Variants in KMT2C observed in about 807,000 individuals in gnomAD.
KMT2C encodes the protein histone-lysine N-methyltransferase 2C.
A neutral mutation model predicts 507.9 loss-of-function variants in KMT2C; 88 were observed. The ratio of observed to expected loss-of-function variants is 0.17; its 90% CI spans 0.15 to 0.21. The LOEUF is 0.21. Among genes scored for constraint, KMT2C ranks in the 10% least tolerant of loss-of-function variants. The probability of loss-of-function intolerance (pLI) is 1.00; values close to 1 mark genes in which losing one functional copy is unlikely to be tolerated. For missense variants in KMT2C, 4,954 were observed against 5,957.8 expected, an observed-to-expected ratio of 0.83 and a Z score of 5.55; for synonymous variants, 2,049 against 2,080.8, an observed-to-expected ratio of 0.98 and a Z score of 0.42.
At chr7:152,137,138 C>T (rs2089948199) in intron 58 of KMT2C, 4 of 506,234 alleles carry the variant, frequency 7.9e-6, no homozygotes, top group Admixed American at 6.7e-5. Context: ...TTTTAAACAG[C>T]GAGATCTGAG....
chr7:152,325,959 G>C (rs908102908), intron 3 of KMT2C, among the ~76,000 whole-genome samples: 1 of 148,722 alleles, frequency 6.7e-6, no homozygotes, highest in Non-Finnish European at 1.5e-5. Flanking sequence ...CACAATTGTT[G>C]AAAGAGACTT....
chr7:152,242,316 G>C (rs1360931453), intron 14 of KMT2C, among the ~76,000 whole-genome samples: 2 of 151,962 alleles, frequency 1.3e-5, no homozygotes, highest in Admixed American at 1.3e-4. Context: ...AATAAACAAT[G>C]AACTATGATA....
At chr7:152,294,768 T>C (rs1430492251) in intron 6 of KMT2C, among the ~76,000 whole-genome samples, 1 of 152,244 alleles carries the variant, frequency 6.6e-6, no homozygotes, top group Non-Finnish European at 1.5e-5. Context: ...TTATTGACCA[T>C]ACCTCCTTAA....
intron 16 of KMT2C, among the ~76,000 whole-genome samples, chr7:152,232,250 A>G (rs1193741242): frequency 2.6e-5 from 4 of 152,258 alleles, no homozygotes; most frequent in Admixed American, 6.5e-5. Context: ...CCTAATGACT[A>G]CAAGTGTTAA....
chr7:152,153,044 G>T, intron 48 of KMT2C, 90 bp from the exon 49 acceptor site: 1 of 1,455,470 alleles, frequency 6.9e-7, no homozygotes. Flanking sequence ...AATCCTCTTT[G>T]CATGATACAT....
chr7:152,379,510 C>T (rs1423980542), intron 1 of KMT2C, among the ~76,000 whole-genome samples: 1 of 151,750 alleles, frequency 6.6e-6, no homozygotes, highest in African/African-American at 2.4e-5. Flanking sequence ...TGCACTCCAG[C>T]CTAGGCGACA....
chr7:152,197,066 T>C (rs925120295), intron 27 of KMT2C, among the ~76,000 whole-genome samples: 2 of 152,070 alleles, frequency 1.3e-5, no homozygotes, highest in African/African-American at 4.8e-5. Flanking sequence ...CTGGCTGCTA[T>C]ATGTAGAGCA....
chr7:152,404,082 G>T (rs2097590026), intron 1 of KMT2C, among the ~76,000 whole-genome samples: 4 of 152,188 alleles, frequency 2.6e-5, no homozygotes, highest in African/African-American at 7.3e-5. Context: ...AAAGTTGTTT[G>T]GAGAGTGGCA....
Position 152,183,018 on chromosome 7 carries a change from T to C in KMT2C, c.5221A>G (p.Lys1741Glu). The change falls in exon 35 of 59, where the codon AAG becomes GAG. Residue 1741 changes from lysine to glutamate, a missense_variant. Around this residue, in one of 29 missense-constraint regions of KMT2C, gnomAD observed 58 missense variants for 63.3 expected, o/e 0.92. Coordinates refer to ENST00000262189, the MANE Select transcript of KMT2C (RefSeq NM_170606.3). ...TGTTCATGTTCTGATTCTCTTTGCT[T>C]TAAAGGATCTTTAAAAAGCTCCGAA... is the stretch of plus-strand genomic sequence containing the variant. Reference protein sequence around the residue: ...IDSELFKDPLKQRESEHEQEW... With the variant: ...IDSELFKDPLEQRESEHEQEW... 6.2e-7 allele frequency: 1 copy of C among 1,609,198 alleles called. No individual in the cohort carries two copies. The highest frequency in any genetic ancestry group is 8.5e-7 in the Non-Finnish European group (1 of 1,178,666).
chr7:152,347,494 A>G (rs1020656777), intron 2 of KMT2C, among the ~76,000 whole-genome samples: 1 of 152,244 alleles, frequency 6.6e-6, no homozygotes, highest in Non-Finnish European at 1.5e-5. Context: ...TTGGTATCCC[A>G]TGGTGTTTTA....
Position 152,147,707 on chromosome 7 carries a change from CAAAAAAAAAAA to C in KMT2C, c.13894+315_13894+325del, listed in dbSNP as rs762588729. 3.0e-4 allele frequency among the ~76,000 whole-genome samples: 14 copies of C among 46,724 alleles called. No individual in the cohort carries two copies. The East Asian group carries it at 6.2e-3, about 21-fold the overall frequency. 30.7% of individuals were successfully genotyped at this position (46,724 alleles called of 152,430 possible). On this transcript the variant is annotated intron_variant, in intron 52 of 58. Transcript: ENST00000262189. ...GTGCAACAAAAGAGAAACTCCGTCTCAAAAAAAAAAAAAAAAAAAAAGAAAAAGAAAAAGAA... is the reference window on the plus strand; with the variant it reads ...GTGCAACAAAAGAGAAACTCCGTCTCAAAAAAAAAAGAAAAAGAAAAAGAA...
chr7:152,187,216 C>T (rs201493299), intron 33 of KMT2C, 46 bp downstream of exon 33: 2 of 1,476,276 alleles, frequency 1.4e-6, no homozygotes, highest in Non-Finnish European at 9.4e-7. Flanking sequence ...AGGTATTGCA[C>T]ATGTGAAAAT....
intron 14 of KMT2C, among the ~76,000 whole-genome samples, chr7:152,240,321 G>C (rs1455127405): frequency 3.3e-5 from 5 of 152,212 alleles, no homozygotes; most frequent in African/African-American, 1.2e-4. Context: ...CCTGACATCT[G>C]GCATACTGTT....
At chr7:152,246,746 T>C (rs1041283493) in intron 14 of KMT2C, among the ~76,000 whole-genome samples, 1 of 152,082 alleles carries the variant, frequency 6.6e-6, no homozygotes, top group South Asian at 2.1e-4. Context: ...AAACTTTTCA[T>C]GGTAGAGCAG....
At chr7:152,173,635 TAA>T (rs780490311) in intron 39 of KMT2C, among the ~76,000 whole-genome samples, 18 of 152,250 alleles carry the variant, frequency 1.2e-4, no homozygotes, top group Admixed American at 5.2e-4. Flanking sequence ...GTTTTTCTCC[TAA>T]GAGAGAAAAG....
chr7:152,369,251 A>G (rs2097272980), intron 1 of KMT2C, among the ~76,000 whole-genome samples: 1 of 152,112 alleles, frequency 6.6e-6, no homozygotes, highest in Admixed American at 6.6e-5. Flanking sequence ...TGAACCTGGG[A>G]AGCAGAGACT....
Position 152,138,982 on chromosome 7 carries a change from G to A in KMT2C, c.14535-78C>T, listed in dbSNP as rs2090198439. The stretch of plus-strand genomic sequence containing the variant: ...TAAAAACTTCCCATTTATTGATAAA[G>A]CAGTTTTTGCTAATTAAATTTCTAT... On this transcript the variant is annotated intron_variant, in intron 57 of 58. Transcript: ENST00000262189. The surrounding 1 kb of genome is among the most constrained non-coding windows in gnomAD (Gnocchi z 4.2). 1 of 1,165,636 alleles carries A rather than the reference G, an allele frequency of 8.6e-7. No individual in the cohort carries two copies. The highest frequency in any genetic ancestry group is 2.3e-5 in the East Asian group (1 of 42,856). 72.2% of individuals were successfully genotyped at this position (1,165,636 alleles called of 1,614,324 possible).
chr7:152,426,460 C>T (rs1260362543), intron 1 of KMT2C, among the ~76,000 whole-genome samples: 4 of 151,856 alleles, frequency 2.6e-5, no homozygotes, highest in Non-Finnish European at 4.4e-5. Context: ...TGGTCTCTAA[C>T]GCCTAGACTT....
rs550245306 is a variant in KMT2C at position 152,181,311 on chromosome 7, T to C, written c.6549A>G (p.Pro2183=). 2.5e-6 allele frequency: 4 copies of C among 1,613,708 alleles called. No homozygotes were observed. The highest frequency in any genetic ancestry group is 1.7e-5 in the Admixed American group (1 of 59,980). The change falls in exon 36 of 59, where the codon CCA becomes CCG. Residue 2183 remains proline (P), a synonymous_variant. Coordinates refer to ENST00000262189, the MANE Select transcript of KMT2C (RefSeq NM_170606.3). ...PYSQQPQTPR[P]STQTDLFVTP... ...TAACAAACAAGTCAGTTTGTGTAGATGGTCTTGGGGTTTGGGGCTGCTGAC... is the reference window on the plus strand; with the variant it reads ...TAACAAACAAGTCAGTTTGTGTAGACGGTCTTGGGGTTTGGGGCTGCTGAC...
Sources: allele counts gnomAD v4.1 joint callset (sites outside exome capture counted in the v4.1 genomes callset), GRCh38; gene constraint gnomAD v4.1.1; regional missense constraint gnomAD v4.1.1; non-coding constraint Gnocchi (gnomAD v3.1); transcripts MANE v1.5; gene names NCBI Gene and HGNC (gene_info 2026-07-23, HGNC 2026-07-21).